HS2ST1: variants seen among roughly 807,000 people sequenced by gnomAD.
The protein encoded by HS2ST1 is heparan sulfate 2-O-sulfotransferase 1.
A neutral mutation model predicts 42.9 loss-of-function variants in HS2ST1; 18 were observed. The observed-to-expected ratio is 0.42, with a 90% CI of 0.29 to 0.62. HS2ST1 has a LOEUF of 0.62. HS2ST1 is among the 20% of genes least tolerant of loss of function. The probability of loss-of-function intolerance (pLI) is 0.21; values close to 1 mark genes in which losing one functional copy is unlikely to be tolerated. For missense variants in HS2ST1, 334 were observed against 433.8 expected, an observed-to-expected ratio of 0.77 and a Z score of 2.04; for synonymous variants, 146 against 152.9, an observed-to-expected ratio of 0.95 and a Z score of 0.33.
chr1:86,982,805 C>T (rs1350686566), intron 1 of HS2ST1, among the ~76,000 whole-genome samples: 3 of 152,052 alleles, frequency 2.0e-5, no homozygotes, highest in African/African-American at 4.8e-5. Flanking sequence ...TGAGCCACTG[C>T]GCCTGGCCGC....
At chr1:86,936,109 T>G (rs1395972123) in intron 1 of HS2ST1, among the ~76,000 whole-genome samples, 1 of 147,886 alleles carries the variant, frequency 6.8e-6, no homozygotes, top group Non-Finnish European at 1.5e-5. Flanking sequence ...CTTTGCCTCC[T>G]TCCCTGCCTT....
intron 1 of HS2ST1, among the ~76,000 whole-genome samples, chr1:86,987,451 T>C (rs977036219): frequency 4.6e-5 from 7 of 152,084 alleles, no homozygotes; most frequent in African/African-American, 1.4e-4. Context: ...AGAGAATTGT[T>C]AGGAGGGCTA....
chr1:86,919,363 T>C (rs1444180996), intron 1 of HS2ST1, among the ~76,000 whole-genome samples: 1 of 152,232 alleles, frequency 6.6e-6, no homozygotes, highest in African/African-American at 2.4e-5. Context: ...GTCGTTTTCA[T>C]ATTTTGCTTA....
intron 1 of HS2ST1, among the ~76,000 whole-genome samples, chr1:86,967,982 G>A (rs956436036): frequency 5.9e-5 from 9 of 152,128 alleles, no homozygotes; most frequent in Non-Finnish European, 1.2e-4. Flanking sequence ...CTTTTTAATG[G>A]CCATTCCTTC....
chr1:87,010,422 C>T (rs1472310008), intron 1 of HS2ST1, among the ~76,000 whole-genome samples: 1 of 151,948 alleles, frequency 6.6e-6, no homozygotes, highest in African/African-American at 2.4e-5. Context: ...GATTAGTTTA[C>T]AAAACGTATT....
chr1:87,000,064 G>C (rs1231494938), intron 1 of HS2ST1, among the ~76,000 whole-genome samples: 3 of 151,330 alleles, frequency 2.0e-5, no homozygotes, highest in Admixed American at 6.6e-5. Flanking sequence ...AGTTAACAGG[G>C]TTGGTTATGT....
Position 86,962,624 on chromosome 1 carries a change from G to A in HS2ST1, c.124+47464G>A, listed in dbSNP as rs140292191. ...CATGATTGGGTAAGATACGTGGCTT[G>A]CCTGGATGCTGTGTTCAGCTAGACA... On this transcript the variant is annotated intron_variant, in intron 1 of 6. Transcript: ENST00000370550. 1.4e-3 allele frequency among the ~76,000 whole-genome samples: 220 copies of A among 152,310 alleles called. 1 individual carries two copies. The highest frequency in any genetic ancestry group is 5.0e-3 in the African/African-American group (209 of 41,562).
chr1:87,040,007 C>T (rs1650479808), intron 1 of HS2ST1, among the ~76,000 whole-genome samples: 2 of 151,992 alleles, frequency 1.3e-5, no homozygotes, highest in Non-Finnish European at 2.9e-5. Context: ...TGTTGTTCTT[C>T]TTACTATATT....
intron 1 of HS2ST1, among the ~76,000 whole-genome samples, chr1:86,955,751 A>G (rs944387876): frequency 1.3e-5 from 2 of 152,196 alleles, no homozygotes; most frequent in African/African-American, 4.8e-5. Context: ...TTGGGAGGCC[A>G]AGGTGGGCGG....
chr1:87,054,298 T>G (rs566123159), intron 1 of HS2ST1, among the ~76,000 whole-genome samples: 1 of 152,242 alleles, frequency 6.6e-6, no homozygotes, highest in African/African-American at 2.4e-5. Flanking sequence ...ATATCTCATG[T>G]GGGTTTTTTT....
At chr1:87,081,766 T>A (rs1487748369) in intron 2 of HS2ST1, among the ~76,000 whole-genome samples, 25 of 151,814 alleles carry the variant, frequency 1.6e-4, no homozygotes, top group Admixed American at 1.6e-3. Flanking sequence ...GGCGGGCAGA[T>A]CACGAGGTCA....
At chr1:87,017,927 G>T (rs549800272) in intron 1 of HS2ST1, among the ~76,000 whole-genome samples, 56 of 144,376 alleles carry the variant, frequency 3.9e-4, no homozygotes, top group African/African-American at 1.4e-3. Flanking sequence ...TCTTGAATAT[G>T]AATGGTTGTT....
intron 1 of HS2ST1, among the ~76,000 whole-genome samples, chr1:86,939,525 C>T (rs1194206474): frequency 6.6e-6 from 1 of 152,188 alleles, no homozygotes; most frequent in Admixed American, 6.5e-5. Context: ...CAAGTTTACA[C>T]TCTTAGGATC....
At chr1:86,951,032 T>G (rs1440104751) in intron 1 of HS2ST1, among the ~76,000 whole-genome samples, 2 of 152,156 alleles carry the variant, frequency 1.3e-5, no homozygotes, top group Non-Finnish European at 2.9e-5. Context: ...AAGCAGGCAT[T>G]TAAGGCAAGG....
chr1:86,937,604 C>T (rs1211263979), intron 1 of HS2ST1, among the ~76,000 whole-genome samples: 1 of 152,100 alleles, frequency 6.6e-6, no homozygotes. Context: ...ATGCCTTCCT[C>T]TCCTACATTT....
chr1:86,934,572 C>G (rs2102168240), intron 1 of HS2ST1: 1 of 152,462 alleles, frequency 6.6e-6, no homozygotes, highest in East Asian at 1.9e-4. Flanking sequence ...TCACATCTCT[C>G]TCCAGTTTTG....
At chr1:87,095,623 T>A (rs570414346) in intron 4 of HS2ST1, among the ~76,000 whole-genome samples, 1 of 152,306 alleles carries the variant, frequency 6.6e-6, no homozygotes, top group South Asian at 2.1e-4. Context: ...AATCCAAAGA[T>A]GAGCATTGAA....
At chr1:87,086,446 A>G (rs1651817264) in intron 3 of HS2ST1, among the ~76,000 whole-genome samples, 1 of 152,218 alleles carries the variant, frequency 6.6e-6, no homozygotes, top group African/African-American at 2.4e-5. Flanking sequence ...CTTGACTGGC[A>G]TAGTACTTTG....
intron 1 of HS2ST1, among the ~76,000 whole-genome samples, chr1:86,993,816 C>G (rs1000092992): frequency 6.6e-6 from 1 of 152,060 alleles, no homozygotes; most frequent in African/African-American, 2.4e-5. Context: ...GCCAGAAATT[C>G]TATATAGTGA....
Sources: allele counts gnomAD v4.1 joint callset (sites outside exome capture counted in the v4.1 genomes callset), GRCh38; gene constraint gnomAD v4.1.1; transcripts MANE v1.5; gene names NCBI Gene and HGNC (gene_info 2026-07-23, HGNC 2026-07-21).